Variants in WFS1 observed in about 807,000 individuals in gnomAD.
WFS1 encodes wolframin.
A neutral mutation model predicts 68.5 loss-of-function variants in WFS1; 90 were observed. The ratio of observed to expected loss-of-function variants is 1.31; its 90% CI spans 1.11 to 1.56. The LOEUF is 1.56. WFS1 is among the 40% of genes most tolerant of loss of function. The probability of loss-of-function intolerance (pLI) is 0.00; values close to 1 mark genes in which losing one functional copy is unlikely to be tolerated. For synonymous variants in WFS1, 860 were observed against 540.7 expected (o/e 1.59, Z -8.19); for missense variants, 1,767 against 1,232.6 (o/e 1.43, Z -6.49).
Position 6,302,434 on chromosome 4 carries a change from A to C in WFS1, c.2639A>C (p.Asp880Ala), listed in dbSNP as rs1342215476. Residue 880 changes from aspartate to alanine, a missense_variant, in exon 8 of 8, where the codon GAC becomes GCC. Physicochemically the swap from Asp to Ala is moderately radical, Grantham distance 126. Transcript: ENST00000226760. ...TVHGAVKFAF[D>A]FFFFPFLSAA The stretch of plus-strand genomic sequence containing the variant: ...CATGGCGCCGTGAAGTTCGCCTTCG[A>C]CTTCTTTTTCTTCCCATTCCTGTCG... 1 of 1,613,024 alleles carries C rather than the reference A, an allele frequency of 6.2e-7. No individual in the cohort carries two copies. Among genetic ancestry groups the C allele is most frequent in the East Asian group, 2.2e-5 (1 of 44,888 alleles).
intron 6 of WFS1, among the ~76,000 whole-genome samples, chr4:6,293,967 TACCTGCCACTTG>T (rs1281908272): frequency 6.6e-6 from 1 of 152,138 alleles, no homozygotes; most frequent in Non-Finnish European, 1.5e-5. Context: ...AGGCCTGTGC[TACCTGCCACTTG>T]TGTGGGCCCC....
chr4:6,290,355 C>A (rs938352752), intron 4 of WFS1, among the ~76,000 whole-genome samples: 2 of 152,248 alleles, frequency 1.3e-5, no homozygotes, highest in Admixed American at 1.3e-4. Context: ...CCAACCCAGC[C>A]TGCTGATTCC....
chr4:6,277,708 G>C (rs1484648087), intron 2 of WFS1, 21 bp downstream of exon 2: 11 of 1,549,972 alleles, frequency 7.1e-6, no homozygotes, highest in Non-Finnish European at 9.6e-6. Flanking sequence ...AGGCTGGGAA[G>C]CCCAGGCTGG....
intron 4 of WFS1, among the ~76,000 whole-genome samples, chr4:6,290,781 G>T (rs904587316): frequency 6.6e-6 from 1 of 152,204 alleles, no homozygotes; most frequent in Non-Finnish European, 1.5e-5. Flanking sequence ...GTAGACACAG[G>T]GGTGGCCCTG....
rs1179513994 is a variant in WFS1 at position 6,283,526 on chromosome 4, T to C, written c.233-3567T>C. ...CTCCCCCGCCCCCATTCCACTCTGCTTTCCTGTGCTGCCTGTGTCTCAGGG... is the reference window on the plus strand; with the variant it reads ...CTCCCCCGCCCCCATTCCACTCTGCCTTCCTGTGCTGCCTGTGTCTCAGGG... On this transcript the variant is annotated intron_variant, in intron 2 of 7. Transcript: ENST00000226760. The surrounding 1 kb of genome is among the most constrained non-coding windows in gnomAD (Gnocchi z 5.0). Among the ~76,000 whole-genome samples, 2 of 152,206 alleles carry C rather than the reference T, an allele frequency of 1.3e-5. No homozygotes were observed. Among genetic ancestry groups the C allele is most frequent in the Non-Finnish European group, 2.9e-5 (2 of 68,044 alleles).
At position 6,270,503 on chromosome 4, in the gene WFS1, G is replaced by C. The variant is rs1300026731; in HGVS notation, c.-6+489G>C. 2.0e-5 allele frequency among the ~76,000 whole-genome samples: 3 copies of C among 152,212 alleles called. No individual in the cohort carries two copies. In the East Asian group the frequency reaches 5.8e-4, roughly 30 times the overall value. On this transcript the variant is annotated intron_variant, in intron 1 of 7. Transcript: ENST00000226760. ...GGGGTTCAGTCCCCCAGGGGGACCCGGCCCGCCCGAGGGGCAGCTTAGGGG... is the reference window on the plus strand; with the variant it reads ...GGGGTTCAGTCCCCCAGGGGGACCCCGCCCGCCCGAGGGGCAGCTTAGGGG...
At chr4:6,299,697 G>C (rs1730784803) in intron 7 of WFS1, among the ~76,000 whole-genome samples, 1 of 139,418 alleles carries the variant, frequency 7.2e-6, no homozygotes. Flanking sequence ...TTGCGTGTGT[G>C]TGAATGTGTG....
chr4:6,276,079 T>C (rs1188396498), intron 1 of WFS1, among the ~76,000 whole-genome samples: 1 of 152,200 alleles, frequency 6.6e-6, no homozygotes, highest in Non-Finnish European at 1.5e-5. Context: ...GACTCTCTGT[T>C]ACCAGCCTCT....
chr4:6,281,199 T>A, intron 2 of WFS1, among the ~76,000 whole-genome samples: 1 of 152,120 alleles, frequency 6.6e-6, no homozygotes, highest in Admixed American at 6.5e-5. Flanking sequence ...CAATGCTGAC[T>A]GAGGCTGCAC....
Position 6,301,448 on chromosome 4 carries a change from C to T in WFS1, c.1653C>T (p.Ser551=), listed in dbSNP as rs766730980. 1.6e-5 allele frequency: 25 copies of T among 1,612,526 alleles called. No individual in the cohort carries two copies. Among genetic ancestry groups the T allele is most frequent in the South Asian group, 4.4e-5 (4 of 91,092 alleles). The change falls in exon 8 of 8, where the codon TCC becomes TCT. Residue 551 remains serine, a synonymous_variant. Coordinates refer to ENST00000226760, the MANE Select transcript of WFS1 (RefSeq NM_006005.3). ...CELSVVILLE[S]TGLGLLRASI... is the part of the protein sequence containing the mutation. ...TCTCCGTGGTCATCCTGCTGGAGTC[C>T]ACCGGCCTGGGGCTGCTCCGCGCCT...
In WFS1 at chr4:6,301,763, C is replaced by T. The variant is rs540421767; in HGVS notation, c.1968C>T (p.Gly656=). The T allele has an allele frequency of 5.6e-6, 9 of 1,613,736 alleles. No homozygotes were observed. The highest frequency in any genetic ancestry group is 1.7e-5 in the Admixed American group (1 of 60,030). The change falls in exon 8 of 8, where the codon GGC becomes GGT. Residue 656 remains glycine, a synonymous_variant. Transcript: ENST00000226760. Reference sequence around the variant, plus strand: ...GGTTCTATGTGTACCGCTCAGAGGGCATGAAGGTCTACAACTCCACACTGA... The same window carrying T: ...GGTTCTATGTGTACCGCTCAGAGGGTATGAAGGTCTACAACTCCACACTGA... ...FCWFYVYRSE[G]MKVYNSTLTW...
intron 2 of WFS1, among the ~76,000 whole-genome samples, chr4:6,282,697 G>A (rs1463894960): frequency 6.6e-6 from 1 of 152,214 alleles, no homozygotes; most frequent in Non-Finnish European, 1.5e-5. Flanking sequence ...TGAGCCAGCT[G>A]TTTGGGAAGG....
intron 2 of WFS1, among the ~76,000 whole-genome samples, chr4:6,279,729 G>GC (rs1419924869): frequency 6.6e-6 from 1 of 152,130 alleles, no homozygotes; most frequent in East Asian, 1.9e-4. Flanking sequence ...TCCCCTAGGG[G>GC]CACCCCAGGA....
At chr4:6,300,003 C>T (rs1048506848) in intron 7 of WFS1, among the ~76,000 whole-genome samples, 5 of 151,864 alleles carry the variant, frequency 3.3e-5, no homozygotes, top group African/African-American at 1.2e-4. Flanking sequence ...GGTGGCCTGG[C>T]AGCTGCTTCT....
chr4:6,275,554 C>T lies in WFS1; in HGVS notation c.-5-1897C>T, dbSNP rs551922654. On this transcript the variant is annotated intron_variant, in intron 1 of 7. Coordinates refer to ENST00000226760, the MANE Select transcript of WFS1 (RefSeq NM_006005.3). ...CACCTGGGGGATGCACCCGGGGGTG[C>T]TTGACCATGCATGGTTTGCACCTGG... Among the ~76,000 whole-genome samples the T allele has an allele frequency of 1.6e-4, 14 of 87,546 alleles. 1 individual carries two copies. The highest frequency in any genetic ancestry group is 6.2e-4 in the African/African-American group (13 of 21,020). The allele number at this position is 87,546 out of a possible 152,430, so 57.4% of individuals were successfully genotyped here.
In WFS1 at chr4:6,300,867, G is replaced by C. The variant is rs969150051; in HGVS notation, c.1072G>C (p.Val358Leu). Reference sequence around the variant, plus strand: ...CTTCTACCTGTCCTTCATCTCCATGGTGATCTGCACCCTCAAGGTGTTCCA... The same window carrying C: ...CTTCTACCTGTCCTTCATCTCCATGCTGATCTGCACCCTCAAGGTGTTCCA... Reference protein sequence around the residue: ...VIFYLSFISMVICTLKVFQDS... With the variant: ...VIFYLSFISMLICTLKVFQDS... Residue 358 changes from valine (V) to leucine (L), a missense_variant, in exon 8 of 8, where the codon GTG becomes CTG. Val to Leu is a conservative substitution (Grantham distance 32). Transcript: ENST00000226760. 27 of 1,613,890 alleles carry C rather than the reference G, an allele frequency of 1.7e-5. No homozygotes were observed. In the Admixed American group the frequency reaches 4.0e-4, roughly 24 times the overall value.
intron 4 of WFS1, among the ~76,000 whole-genome samples, chr4:6,290,421 G>A (rs1056776817): frequency 1.3e-5 from 2 of 152,228 alleles, no homozygotes; most frequent in African/African-American, 4.8e-5. Flanking sequence ...CTCATTGTTG[G>A]GTGCCAGGGA....
At chr4:6,276,920 A>G (rs6824720) in intron 1 of WFS1, among the ~76,000 whole-genome samples, 129,532 of 152,276 alleles carry the variant, frequency 0.85, 55,314 homozygotes, top group East Asian at 0.94. Flanking sequence ...GCTCTGTTAC[A>G]CTTCTCTTCC....
intron 2 of WFS1, among the ~76,000 whole-genome samples, chr4:6,285,367 T>C (rs1029530401): frequency 6.9e-6 from 1 of 145,066 alleles, no homozygotes; most frequent in African/African-American, 2.6e-5. Context: ...GAAAGCAGCA[T>C]CAAGGGAGAG....
Sources: gnomAD v4.1 joint callset for allele counts (sites outside exome capture counted in the v4.1 genomes callset) on GRCh38, gnomAD v4.1.1 for gene constraint, Gnocchi (gnomAD v3.1) non-coding constraint, MANE v1.5 for transcripts, NCBI Gene and HGNC (gene_info 2026-07-23, HGNC 2026-07-21) for gene names.